The following PPM1K variants were observed in gnomAD, a reference collection of about 807,000 sequenced individuals.
PPM1K encodes protein phosphatase, Mg2+/Mn2+ dependent 1K, also known as protein phosphatase Mn(2+)-dependent 1K.
A neutral mutation model predicts 32.6 loss-of-function variants in PPM1K; 19 were observed. That is an observed-to-expected ratio of 0.58 (90% confidence interval 0.41 to 0.86). The LOEUF (loss-of-function observed/expected upper bound fraction) is 0.86, where lower values mean the gene tolerates loss of function less well. PPM1K is among the 40% of genes least tolerant of loss of function. The pLI is 0.00. For missense variants in PPM1K, 362 were observed against 461.2 expected (o/e 0.78, Z 1.97); for synonymous variants, 159 against 165.3 (o/e 0.96, Z 0.29).
Position 88,262,381 on chromosome 4 carries a change from A to G in PPM1K, c.*214T>C. On this transcript the variant is annotated 3_prime_UTR_variant, in exon 7 of 7. Coordinates refer to ENST00000608933, the MANE Select transcript of PPM1K (RefSeq NM_152542.5). ...ACTTCTCATTTGCTCTTTCCATTTA[A>G]AGACTCACAGTAGCTTCACTACACA... 1 of 422,700 alleles carries G rather than the reference A, an allele frequency of 2.4e-6. No individual in the cohort carries two copies. The highest frequency in any genetic ancestry group is 3.9e-5 in the South Asian group (1 of 25,910). The allele number at this position is 422,700 out of a possible 1,614,324, so 26.2% of individuals were successfully genotyped here.
chr4:88,268,615 T>C (rs893381469), intron 4 of PPM1K, 126 bp downstream of exon 4: 27 of 1,059,796 alleles, frequency 2.5e-5, no homozygotes, highest in African/African-American at 9.6e-5. Flanking sequence ...AGTGAGACTC[T>C]GTCTCAAAAA....
rs1731440742 is a variant in PPM1K at position 88,268,782 on chromosome 4, C to T, written c.666G>A (p.Leu222=). 3.1e-6 allele frequency: 5 copies of T among 1,614,018 alleles called. No individual in the cohort carries two copies. In the East Asian group the frequency reaches 8.9e-5, roughly 29 times the overall value. The change falls in exon 4 of 7, where the codon CTG becomes CTA. Residue 222 remains leucine (L), a synonymous_variant. Coordinates refer to ENST00000608933, the MANE Select transcript of PPM1K (RefSeq NM_152542.5). The stretch of plus-strand genomic sequence containing the variant: ...TTCTTTCTGGAGTATGGTCAATGGT[C>T]AGCTTCATGGGTTTTCCTTTTCTAC... ...ILCRKGKPMK[L]TIDHTPERKD...
chr4:88,269,441 A>C (rs1220142434), intron 3 of PPM1K, among the ~76,000 whole-genome samples: 10 of 152,238 alleles, frequency 6.6e-5, no homozygotes, highest in African/African-American at 2.4e-4. Flanking sequence ...CCATTTGCAT[A>C]TTCTACCCCT....
intron 3 of PPM1K, among the ~76,000 whole-genome samples, chr4:88,273,694 A>AT (rs57173009): frequency 1.3e-5 from 2 of 151,128 alleles, no homozygotes; most frequent in African/African-American, 4.9e-5. Flanking sequence ...AAAAAAAAAA[A>AT]GAAAAAGAAA....
At chr4:88,264,811 C>T (rs867509366) in intron 6 of PPM1K, among the ~76,000 whole-genome samples, 190 bp downstream of exon 6, 4 of 151,984 alleles carry the variant, frequency 2.6e-5, no homozygotes, top group Admixed American at 6.6e-5. Context: ...TATACAAAGC[C>T]AAAGAATAAA....
intron 2 of PPM1K, 162 bp from the exon 3 acceptor site, chr4:88,277,405 A>G: frequency 3.4e-6 from 2 of 591,846 alleles, no homozygotes; most frequent in Non-Finnish European, 6.1e-6. Context: ...AGAATCCACA[A>G]AGTATCAGGC....
rs189013157 is a variant in PPM1K at position 88,262,388 on chromosome 4, A to C, written c.*207T>G. The C allele has an allele frequency of 4.5e-6, 2 of 449,210 alleles. No individual in the cohort carries two copies. Among genetic ancestry groups the C allele is most frequent in the African/African-American group, 4.0e-5 (2 of 49,836 alleles). 27.8% of individuals were successfully genotyped at this position (449,210 alleles called of 1,614,324 possible). A position where few individuals can be genotyped will look rare whatever the true frequency, so the allele number is the denominator to read the frequency against. On this transcript the variant is annotated 3_prime_UTR_variant, in exon 7 of 7. Transcript: ENST00000608933. The stretch of plus-strand genomic sequence containing the variant: ...ATTTGCTCTTTCCATTTAAAGACTC[A>C]CAGTAGCTTCACTACACATATATTT...
At chr4:88,267,665 T>C (rs1045945064) in intron 5 of PPM1K, among the ~76,000 whole-genome samples, 4 of 152,344 alleles carry the variant, frequency 2.6e-5, no homozygotes, top group African/African-American at 9.6e-5. Context: ...CACTTGTTTA[T>C]TGGCCCAGAG....
chr4:88,263,869 G>C (rs1221428816), intron 6 of PPM1K, among the ~76,000 whole-genome samples: 1 of 152,154 alleles, frequency 6.6e-6, no homozygotes, highest in Non-Finnish European at 1.5e-5. Context: ...TTTCCTGAAG[G>C]AAACAGATAT....
rs1193406568 is a variant in PPM1K at position 88,272,899 on chromosome 4, T to C, written c.542-3993A>G. Among the ~76,000 whole-genome samples, 3 of 152,208 alleles carry C rather than the reference T, an allele frequency of 2.0e-5. No individual in the cohort carries two copies. The East Asian group carries it at 5.8e-4, about 29-fold the overall frequency. Reference sequence around the variant, plus strand: ...TTTATTATATTTTACAGATCAGTCATCCAGGACATGCTGCGTCTGTGGTTG... The same window carrying C: ...TTTATTATATTTTACAGATCAGTCACCCAGGACATGCTGCGTCTGTGGTTG... On this transcript the variant is annotated intron_variant, in intron 3 of 6. Coordinates refer to ENST00000608933, the MANE Select transcript of PPM1K (RefSeq NM_152542.5).
rs1235036686 is a variant in PPM1K at position 88,278,336 on chromosome 4, T to A, written c.248A>T (p.Tyr83Phe). The A allele has an allele frequency of 6.2e-6, 10 of 1,614,078 alleles. No individual in the cohort carries two copies. The highest frequency in any genetic ancestry group is 8.5e-6 in the Non-Finnish European group (10 of 1,180,046). ...GCTGATTTTGGGAATTGGCTTGCCA[T>A]ACTTAATGCTGGGTGGCAGCAGAAT... ...EPILLPPSIK[Y>F]GKPIPKISLE... The change falls in exon 2 of 7, where the codon TAT becomes TTT. Residue 83 changes from tyrosine (Y) to phenylalanine (F), a missense_variant. Transcript: ENST00000608933. The surrounding 1 kb of genome is among the most constrained non-coding windows in gnomAD (Gnocchi z 4.2).
intron 1 of PPM1K, chr4:88,279,782 T>C (rs1274135170): frequency 6.6e-6 from 1 of 152,212 alleles, no homozygotes; most frequent in Non-Finnish European, 1.5e-5. Context: ...TAAAATCAAC[T>C]TGAAAAGATG....
At chr4:88,268,937 T>A (rs1187034678) in intron 3 of PPM1K, 31 bp from the exon 4 acceptor site, 3 of 1,551,914 alleles carry the variant, frequency 1.9e-6, no homozygotes, top group Non-Finnish European at 2.6e-6. Context: ...AGAGTACAAG[T>A]TAGTGACAGT....
intron 6 of PPM1K, among the ~76,000 whole-genome samples, chr4:88,264,131 T>C (rs1731224363): frequency 6.6e-6 from 1 of 152,240 alleles, no homozygotes; most frequent in African/African-American, 2.4e-5. Context: ...ATTTCATGAA[T>C]ACCCTGTTTA....
chr4:88,268,455 T>C (rs981898972), intron 4 of PPM1K, 121 bp from the exon 5 acceptor site: 46 of 1,188,688 alleles, frequency 3.9e-5, no homozygotes, highest in Non-Finnish European at 5.0e-5. Context: ...ACCCCGTCTC[T>C]ACTAAAAAAC....
Position 88,268,275 on chromosome 4 carries a change from CCA to C in PPM1K, c.765_766del (p.Asn255LysfsTer15). 1 of 1,614,058 alleles carries C rather than the reference CCA, an allele frequency of 6.2e-7. No individual in the cohort carries two copies. The highest frequency in any genetic ancestry group is 8.5e-7 in the Non-Finnish European group (1 of 1,179,950). ...AATACTTCTTGTCATTGCAAGCCTG[CCA>C]TTTACGTGAGGCTGCCCCAAACTAT... On this transcript the variant is annotated frameshift_variant, in exon 5 of 7. Coordinates refer to ENST00000608933, the MANE Select transcript of PPM1K (RefSeq NM_152542.5). LOFTEE classifies it high-confidence loss of function.
Position 88,268,754 on chromosome 4 carries a change from C to T in PPM1K, c.694G>A (p.Asp232Asn), listed in dbSNP as rs1560486879. The T allele has an allele frequency of 2.5e-6, 4 of 1,613,514 alleles. No individual in the cohort carries two copies. Among genetic ancestry groups the T allele is most frequent in the Non-Finnish European group, 3.4e-6 (4 of 1,179,760 alleles). The change falls in exon 4 of 7, where the codon GAT becomes AAT. Residue 232 changes from aspartate to asparagine, a missense_variant. Asp to Asn is a conservative substitution (Grantham distance 23, BLOSUM62 1). Transcript: ENST00000608933. ...LTIDHTPERKDEKERIKKCGG... is the reference protein window; with the variant it reads ...LTIDHTPERKNEKERIKKCGG... ...TGGTGGTAGTACCTTTCTTTTTCAT[C>T]TTTTCTTTCTGGAGTATGGTCAATG...
intron 3 of PPM1K, chr4:88,276,771 G>C (rs1731781827): frequency 1.0e-6 from 1 of 1,004,632 alleles, no homozygotes; most frequent in Admixed American, 5.6e-5. Context: ...TTGGTCACCA[G>C]ATCCATCTAA....
intron 1 of PPM1K, chr4:88,279,845 A>G (rs1423726645): frequency 1.3e-5 from 2 of 152,252 alleles, no homozygotes; most frequent in Non-Finnish European, 2.9e-5. Context: ...ATAGTATATT[A>G]TTCTCAATCT....
Sources: allele counts gnomAD v4.1 joint callset (sites outside exome capture counted in the v4.1 genomes callset), GRCh38; gene constraint gnomAD v4.1.1; non-coding constraint Gnocchi (gnomAD v3.1); transcripts MANE v1.5; gene names NCBI Gene and HGNC (gene_info 2026-07-23, HGNC 2026-07-21).